LRRC8A: variants seen among roughly 807,000 people sequenced by gnomAD.
The protein encoded by LRRC8A is leucine rich repeat containing 8 VRAC subunit A.
LRRC8A carries 24 observed loss-of-function variants against 52.5 expected under a neutral mutation model. The ratio of observed to expected loss-of-function variants is 0.46; its 90% CI spans 0.33 to 0.64. LRRC8A has a LOEUF of 0.64. LRRC8A is among the 30% of genes least tolerant of loss of function. The pLI is 0.02. For synonymous variants in LRRC8A, 492 were observed against 494.2 expected (o/e 1.00, Z 0.06); for missense variants, 677 against 1,094.7 (o/e 0.62, Z 5.38).
chr9:128,916,458 C>T lies in LRRC8A; in HGVS notation c.*87C>T, dbSNP rs952562964. Reference sequence around the variant, plus strand: ...CAGGCCTAGCTTCTCCCAGAACTCCCGGACAGCCAGGACAGCCTCGTGGCT... The same window carrying T: ...CAGGCCTAGCTTCTCCCAGAACTCCTGGACAGCCAGGACAGCCTCGTGGCT... On this transcript the variant is annotated 3_prime_UTR_variant, in exon 4 of 4. Coordinates refer to ENST00000372600, the MANE Select transcript of LRRC8A (RefSeq NM_019594.4). The surrounding 1 kb of genome is among the most constrained non-coding windows in gnomAD (Gnocchi z 6.1). The T allele has an allele frequency of 2.0e-5, 30 of 1,469,486 alleles. No individual in the cohort carries two copies. The East Asian group carries it at 2.7e-4, about 13-fold the overall frequency. The allele number at this position is 1,469,486 out of a possible 1,614,324, so 91.0% of individuals were successfully genotyped here. A position where few individuals can be genotyped will look rare whatever the true frequency, so the allele number is the denominator to read the frequency against.
intron 2 of LRRC8A, among the ~76,000 whole-genome samples, chr9:128,887,555 T>C (rs1839443776): frequency 1.3e-5 from 2 of 152,166 alleles, no homozygotes. Flanking sequence ...CTTCCACATC[T>C]ATTGTTACCA....
chr9:128,894,104 C>T (rs1383246437), intron 2 of LRRC8A, among the ~76,000 whole-genome samples: 1 of 152,032 alleles, frequency 6.6e-6, no homozygotes, highest in Non-Finnish European at 1.5e-5. Context: ...TGGTCTCAAA[C>T]TCCTGACCTC....
chr9:128,908,268 C>G lies in LRRC8A; in HGVS notation c.1104C>G (p.Val368=), dbSNP rs1163153937. 1 of 1,614,160 alleles carries G rather than the reference C, an allele frequency of 6.2e-7. No individual in the cohort carries two copies. The highest frequency in any genetic ancestry group is 8.5e-7 in the Non-Finnish European group (1 of 1,180,042). The change falls in exon 3 of 4, where the codon GTC becomes GTG. Residue 368 remains valine (V), a synonymous_variant. Transcript: ENST00000372600. ...EESSYSDIPD[V]KNDFAFMLHL... ...GCAGCTACAGCGACATCCCCGACGT[C>G]AAGAACGACTTCGCCTTCATGCTGC... is the stretch of plus-strand genomic sequence containing the variant.
chr9:128,887,565 A>C (rs1022307108), intron 2 of LRRC8A, among the ~76,000 whole-genome samples: 1 of 151,702 alleles, frequency 6.6e-6, no homozygotes, highest in African/African-American at 2.4e-5. Context: ...TATTGTTACC[A>C]TTTGCTTATT....
intron 2 of LRRC8A, among the ~76,000 whole-genome samples, chr9:128,906,750 T>C (rs2131014474): frequency 6.6e-6 from 1 of 152,358 alleles, no homozygotes. Context: ...TGGTTCCCAG[T>C]GAACTGGGAG....
chr9:128,889,796 T>G (rs769526082), intron 2 of LRRC8A, among the ~76,000 whole-genome samples: 2 of 151,026 alleles, frequency 1.3e-5, no homozygotes, highest in Non-Finnish European at 2.9e-5. Context: ...CCTGGCCAAT[T>G]TTTTTAATTT....
At position 128,890,261 on chromosome 9, in the gene LRRC8A, CCTG is replaced by C. The variant is rs1839561954; in HGVS notation, c.-9+4144_-9+4146del. Among the ~76,000 whole-genome samples the C allele has an allele frequency of 2.6e-5, 4 of 151,600 alleles. No individual in the cohort carries two copies. The South Asian group carries it at 8.4e-4, about 32-fold the overall frequency. ...CTTTTACTCCCAGCCACAAATGTTC[CCTG>C]CTGTCTTCCAGATGCGTTTCTGTTG... On this transcript the variant is annotated intron_variant, in intron 2 of 3. Transcript: ENST00000372600.
In LRRC8A at chr9:128,909,200, C is replaced by T. The variant is rs748626839; in HGVS notation, c.2036C>T (p.Thr679Ile). 1.2e-6 allele frequency: 2 copies of T among 1,614,194 alleles called. No homozygotes were observed. Among genetic ancestry groups the T allele is most frequent in the East Asian group, 4.5e-5 (2 of 44,890 alleles). ...CGCAACAAGATCGAGAAGATCCCCA[C>T]CCAGCTCTTCTACTGCCGCAAGCTG... is the stretch of plus-strand genomic sequence containing the variant. ...LNRNKIEKIP[T>I]QLFYCRKLRY... Residue 679 changes from threonine to isoleucine, a missense_variant, in exon 3 of 4, where the codon ACC becomes ATC. Around this residue, in one of 4 missense-constraint regions of LRRC8A, gnomAD observed 169 missense variants for 217.6 expected, o/e 0.78. Coordinates refer to ENST00000372600, the MANE Select transcript of LRRC8A (RefSeq NM_019594.4).
At chr9:128,896,641 C>T (rs188127066) in intron 2 of LRRC8A, among the ~76,000 whole-genome samples, 12 of 152,274 alleles carry the variant, frequency 7.9e-5, no homozygotes, top group African/African-American at 2.9e-4. Context: ...TTTGCCATTT[C>T]CCCTCATTGG....
chr9:128,908,945 C>T lies in LRRC8A; in HGVS notation c.1781C>T (p.Thr594Ile), dbSNP rs1293889399. 6.2e-7 allele frequency: 1 copy of T among 1,613,984 alleles called. No individual in the cohort carries two copies. The highest frequency in any genetic ancestry group is 1.3e-5 in the African/African-American group (1 of 75,022). ...LNSLKKMANL[T>I]ELELIRCDLE... The stretch of plus-strand genomic sequence containing the variant: ...AGCCTCAAGAAGATGGCGAACCTGA[C>T]TGAGCTGGAGCTGATCCGCTGTGAC... The change falls in exon 3 of 4, where the codon ACT (threonine) becomes ATT (isoleucine). Residue 594 changes from threonine (T) to isoleucine (I), a missense_variant. Thr to Ile is a moderately conservative substitution (Grantham distance 89). Around this residue, in one of 4 missense-constraint regions of LRRC8A, gnomAD observed 422 missense variants for 741.5 expected, o/e 0.57. Coordinates refer to ENST00000372600, the MANE Select transcript of LRRC8A (RefSeq NM_019594.4).
At chr9:128,891,435 G>A (rs924639941) in intron 2 of LRRC8A, among the ~76,000 whole-genome samples, 16 of 152,262 alleles carry the variant, frequency 1.1e-4, no homozygotes, top group Admixed American at 7.8e-4. Context: ...GGTGGCACAT[G>A]CCTGTAGTTT....
chr9:128,885,722 AC>A (rs1248423863), intron 1 of LRRC8A, among the ~76,000 whole-genome samples: 1 of 152,204 alleles, frequency 6.6e-6, no homozygotes, highest in African/African-American at 2.4e-5. Context: ...AGCCTGGCTA[AC>A]ATGGGGAAAC....
chr9:128,903,257 C>G (rs1171470151), intron 2 of LRRC8A, among the ~76,000 whole-genome samples: 1 of 152,156 alleles, frequency 6.6e-6, no homozygotes, highest in East Asian at 1.9e-4. Flanking sequence ...TCCAGGCCCT[C>G]AGCACTGGCT....
At position 128,907,137 on chromosome 9, in the gene LRRC8A, C is replaced by G. The variant is rs190419210; in HGVS notation, c.-8-20C>G. The G allele has an allele frequency of 1.9e-6, 3 of 1,582,248 alleles. No individual in the cohort carries two copies. The highest frequency in any genetic ancestry group is 2.7e-5 in the African/African-American group (2 of 74,510). ...GCCAGGCCACCCTGTGCTAACCCCC[C>G]TCCTATGGCTCCCTTTTAGGTTGAA... On this transcript the variant is annotated intron_variant, in intron 2 of 3. Transcript: ENST00000372600. The surrounding 1 kb of genome is among the most constrained non-coding windows in gnomAD (Gnocchi z 9.3).
intron 2 of LRRC8A, among the ~76,000 whole-genome samples, chr9:128,903,046 G>A (rs558652670): frequency 1.3e-5 from 2 of 152,218 alleles, no homozygotes; most frequent in African/African-American, 4.8e-5. Flanking sequence ...CCTGAGCCCG[G>A]TGGTAGAGGG....
At chr9:128,904,630 T>C (rs1840160198) in intron 2 of LRRC8A, among the ~76,000 whole-genome samples, 1 of 152,120 alleles carries the variant, frequency 6.6e-6, no homozygotes, top group Non-Finnish European at 1.5e-5. Context: ...AGAGGATTGC[T>C]TGAGGCCAGG....
chr9:128,888,949 A>G (rs911908184), intron 2 of LRRC8A, among the ~76,000 whole-genome samples: 6 of 151,946 alleles, frequency 3.9e-5, no homozygotes, highest in Non-Finnish European at 5.9e-5. Flanking sequence ...TCTCAGCACC[A>G]TGTCTCAGTG....
intron 2 of LRRC8A, among the ~76,000 whole-genome samples, chr9:128,890,414 G>T (rs1380254553): frequency 6.6e-6 from 1 of 152,182 alleles, no homozygotes; most frequent in African/African-American, 2.4e-5. Context: ...TGGAGTAAAA[G>T]TGGCTGTAAA....
At chr9:128,904,993 G>A (rs1224141393) in intron 2 of LRRC8A, among the ~76,000 whole-genome samples, 2 of 114,042 alleles carry the variant, frequency 1.8e-5, no homozygotes, top group East Asian at 2.8e-4. Flanking sequence ...GCGAGACTCC[G>A]TCTCAAAAAA....
Sources: allele counts gnomAD v4.1 joint callset (sites outside exome capture counted in the v4.1 genomes callset), GRCh38; gene constraint gnomAD v4.1.1; regional missense constraint gnomAD v4.1.1; non-coding constraint Gnocchi (gnomAD v3.1); transcripts MANE v1.5; gene names NCBI Gene and HGNC (gene_info 2026-07-23, HGNC 2026-07-21).